INSL6: variants seen among roughly 807,000 people sequenced by gnomAD.
INSL6 encodes insulin like 6, also known as insulin-like peptide INSL6.
Under a neutral mutation model 9.4 loss-of-function variants are expected in INSL6, and 16 were observed. That is an observed-to-expected ratio of 1.70 (90% CI 1.15 to 2.59). The LOEUF (loss-of-function observed/expected upper bound fraction) is 2.59, where lower values mean the gene tolerates loss of function less well. Among genes scored for constraint, INSL6 ranks in the 30% most tolerant of loss-of-function variants. INSL6 has a pLI of 0.00. For synonymous variants in INSL6, 154 were observed against 96.9 expected (o/e 1.59, Z -3.46); for missense variants, 391 against 257.3 (o/e 1.52, Z -3.56).
rs552259750 is a variant in INSL6, at chr9:5,153,607, C to G, written c.376+10572G>C. The stretch of plus-strand genomic sequence containing the variant: ...CGTCTCAGCCCAAAATCTCCTTAAG[C>G]TGTAAGCAACTTCAGCAAAGTCTCA... On this transcript the variant is annotated intron_variant, in intron 2 of 3. Transcript: ENST00000649639. Among the ~76,000 whole-genome samples, 4 of 152,300 alleles carry G rather than the reference C, an allele frequency of 2.6e-5. No homozygotes were observed. The East Asian group carries it at 7.7e-4, about 29-fold the overall frequency.
At chr9:5,101,688 C>A in the INSL6 span, among the ~76,000 whole-genome samples, 2 of 152,196 alleles carry the variant, frequency 1.3e-5, no homozygotes, top group Non-Finnish European at 2.9e-5. Context: ...GAGGAAGGAT[C>A]AGGCAGCAAC....
At chr9:5,148,106 G>A (rs975915051) in intron 2 of INSL6, among the ~76,000 whole-genome samples, 2 of 152,180 alleles carry the variant, frequency 1.3e-5, no homozygotes, top group Non-Finnish European at 2.9e-5. Context: ...AGGTTAAGGG[G>A]ATACTATTTT....
At chr9:5,119,496 T>C (rs1253107324), downstream of INSL6, among the ~76,000 whole-genome samples, 1 of 151,880 alleles carries the variant, frequency 6.6e-6, no homozygotes, top group African/African-American at 2.4e-5. Context: ...TGTGAAAAAA[T>C]CATGAGGGCA....
At chr9:5,061,172 G>C in the INSL6 span, among the ~76,000 whole-genome samples, 1 of 152,178 alleles carries the variant, frequency 6.6e-6, no homozygotes, top group Non-Finnish European at 1.5e-5. Context: ...AGCATAATTC[G>C]CAGAGCCCTG....
the INSL6 span, among the ~76,000 whole-genome samples, chr9:5,062,358 AAC>A: frequency 1.4e-4 from 21 of 152,188 alleles, no homozygotes; most frequent in African/African-American, 4.8e-4. Context: ...AAATCACCGT[AAC>A]AGGTATAATA....
At chr9:5,116,851 G>A in the INSL6 span, among the ~76,000 whole-genome samples, 1 of 152,178 alleles carries the variant, frequency 6.6e-6, no homozygotes, top group Non-Finnish European at 1.5e-5. Context: ...GTATAATATG[G>A]CACTTTCAAT....
At chr9:5,078,179 C>A in the INSL6 span, 2 of 692,146 alleles carry the variant, frequency 2.9e-6, no homozygotes, top group South Asian at 5.2e-5. Context: ...TTTCTCAATG[C>A]ATGCCTCCAA....
chr9:5,054,351 C>T, the INSL6 span, among the ~76,000 whole-genome samples: 2 of 151,918 alleles, frequency 1.3e-5, no homozygotes, highest in African/African-American at 4.8e-5. This position sits in a 1 kb window ranked among gnomAD's most constrained non-coding sequence, Gnocchi z 4.9. Flanking sequence ...TTGATGATAA[C>T]TTAGAGTGTG....
At position 5,163,894 on chromosome 9, in the gene INSL6, A is replaced by G; in HGVS notation, c.*19T>C. 1 of 1,486,596 alleles carries G rather than the reference A, an allele frequency of 6.7e-7. No homozygotes were observed. Among genetic ancestry groups the G allele is most frequent in the East Asian group, 2.3e-5 (1 of 44,246 alleles). The allele number at this position is 1,486,596 out of a possible 1,614,324, so 92.1% of individuals were successfully genotyped here. A position where few individuals can be genotyped will look rare whatever the true frequency, so the allele number is the denominator to read the frequency against. ...AAATGTATTAAGCTTTTATTAGGTT[A>G]GAAAAAATTCTAAGATGGTTAGTAT... On this transcript the variant is annotated 3_prime_UTR_variant, in exon 2 of 2. Coordinates refer to ENST00000381641, the MANE Select transcript of INSL6 (RefSeq NM_007179.3).
At chr9:5,145,512 G>T (rs958863651) in intron 2 of INSL6, among the ~76,000 whole-genome samples, 6 of 152,142 alleles carry the variant, frequency 3.9e-5, no homozygotes, top group Non-Finnish European at 2.9e-5. Context: ...TGTCTTGCTA[G>T]GTTGGGAAAG....
At chr9:5,124,979 T>C (rs2130859924) in intron 3 of INSL6, among the ~76,000 whole-genome samples, 1 of 151,614 alleles carries the variant, frequency 6.6e-6, no homozygotes, top group Non-Finnish European at 1.5e-5. Flanking sequence ...TAGTACAGTC[T>C]CTTAATATTA....
chr9:5,103,221 CAAAAAAAAAAAA>C, the INSL6 span, among the ~76,000 whole-genome samples: 14 of 6,846 alleles, frequency 2.0e-3, no homozygotes, highest in African/African-American at 6.0e-3. Context: ...AAAGGGAAAG[CAAAAAAAAAAAA>C]AAAAAAAAAA....
the INSL6 span, among the ~76,000 whole-genome samples, chr9:5,080,038 A>T: frequency 3.3e-5 from 5 of 152,212 alleles, no homozygotes; most frequent in African/African-American, 1.2e-4. Flanking sequence ...GAAATATTGA[A>T]TTAGATGATC....
At chr9:5,119,256 T>C (rs1253282982), downstream of INSL6, among the ~76,000 whole-genome samples, 10 of 152,270 alleles carry the variant, frequency 6.6e-5, no homozygotes, top group East Asian at 1.9e-3. Flanking sequence ...TAATAATATG[T>C]GATTTTTTTA....
intron 2 of INSL6, among the ~76,000 whole-genome samples, chr9:5,147,404 G>A (rs1210740126): frequency 6.6e-6 from 1 of 152,216 alleles, no homozygotes; most frequent in Non-Finnish European, 1.5e-5. Context: ...AGCAAGGAAG[G>A]TTCTGCTGCA....
chr9:5,063,761 T>C, the INSL6 span, among the ~76,000 whole-genome samples: 8 of 152,252 alleles, frequency 5.3e-5, no homozygotes, highest in African/African-American at 1.9e-4. Context: ...CTTTTTTCAT[T>C]ATATAACTGA....
At chr9:5,072,900 G>A in the INSL6 span, among the ~76,000 whole-genome samples, 1 of 151,998 alleles carries the variant, frequency 6.6e-6, no homozygotes, top group African/African-American at 2.4e-5. Flanking sequence ...TTCAAACTTG[G>A]CTCCCCAGAG....
the INSL6 span, chr9:5,094,785 C>T: frequency 6.6e-6 from 1 of 152,138 alleles, no homozygotes; most frequent in South Asian, 2.1e-4. Context: ...GCCCTGACTA[C>T]TACTATTTTT....
chr9:5,100,562 G>T, the INSL6 span: 1 of 152,158 alleles, frequency 6.6e-6, no homozygotes. Context: ...TAGCCCCAAT[G>T]CCAGAATTAG....
Sources: gnomAD v4.1 joint callset for allele counts (sites outside exome capture counted in the v4.1 genomes callset) on GRCh38, gnomAD v4.1.1 for gene constraint, Gnocchi (gnomAD v3.1) non-coding constraint, MANE v1.5 for transcripts, NCBI Gene and HGNC (gene_info 2026-07-23, HGNC 2026-07-21) for gene names.